The following INPP5A variants were observed in gnomAD, a reference collection of about 807,000 sequenced individuals.
INPP5A encodes the protein 43 kDa inositol polyphosphate 5-phophatase.
A neutral mutation model predicts 65.2 loss-of-function variants in INPP5A; 14 were observed. The observed-to-expected ratio is 0.21, with a 90% CI of 0.14 to 0.34. The LOEUF (loss-of-function observed/expected upper bound fraction) is 0.34. Ranked by LOEUF, INPP5A falls within the 10% of genes least tolerant of loss-of-function variation. The pLI is 1.00. For synonymous variants in INPP5A, 207 were observed against 208.3 expected, an observed-to-expected ratio of 0.99 and a Z score of 0.05; for missense variants, 431 against 545.6, an observed-to-expected ratio of 0.79 and a Z score of 2.09.
chr10:132,577,427 G>C (rs984750656), intron 1 of INPP5A, among the ~76,000 whole-genome samples: 15 of 152,212 alleles, frequency 9.9e-5, no homozygotes, highest in African/African-American at 3.4e-4. Context: ...TGTGATTTTT[G>C]TTCACACGTT....
At chr10:132,682,505 C>T (rs984276021) in intron 4 of INPP5A, among the ~76,000 whole-genome samples, 3 of 152,210 alleles carry the variant, frequency 2.0e-5, no homozygotes, top group African/African-American at 7.2e-5. Context: ...CACACCTATC[C>T]AGTTGGCAAA....
intron 2 of INPP5A, among the ~76,000 whole-genome samples, chr10:132,635,809 TA>T (rs796699395): frequency 3.0e-3 from 423 of 142,724 alleles, no homozygotes; most frequent in Admixed American, 3.5e-3. Context: ...CTCGAAGATT[TA>T]AAAAAAAAAA....
In INPP5A at chr10:132,603,193, G is replaced by T. The variant is rs1333972067; in HGVS notation, c.76-4722G>T. On this transcript the variant is annotated intron_variant, in intron 1 of 15. Coordinates refer to ENST00000368594, the MANE Select transcript of INPP5A (RefSeq NM_005539.5). This position sits in a 1 kb window ranked among gnomAD's most constrained non-coding sequence, Gnocchi z 4.2. The stretch of plus-strand genomic sequence containing the variant: ...AGAGTTGGGCCTTCTGGGCGGCTGT[G>T]GGCCAGGCTGCCTCTGGCATCTTGG... 6.6e-6 allele frequency among the ~76,000 whole-genome samples: 1 copy of T among 152,148 alleles called. No homozygotes were observed. Among genetic ancestry groups the T allele is most frequent in the Non-Finnish European group, 1.5e-5 (1 of 68,034 alleles).
intron 2 of INPP5A, among the ~76,000 whole-genome samples, chr10:132,638,067 G>T (rs1365493310): frequency 1.3e-5 from 2 of 152,182 alleles, no homozygotes; most frequent in Non-Finnish European, 2.9e-5. Context: ...TGGGGTCTGG[G>T]AGTTGTTCGT....
Position 132,684,683 on chromosome 10 carries a change from C to T in INPP5A, c.307-5709C>T, listed in dbSNP as rs117395014. 3.2e-3 allele frequency among the ~76,000 whole-genome samples: 493 copies of T among 152,338 alleles called. 8 individuals are homozygous for T. Among genetic ancestry groups the T allele is most frequent in the Non-Finnish European group, 9.1e-4 (62 of 68,034 alleles). On this transcript the variant is annotated intron_variant, in intron 4 of 15. Coordinates refer to ENST00000368594, the MANE Select transcript of INPP5A (RefSeq NM_005539.5). ...AAAGATCAGGCTCAGAACCACATGC[C>T]TGCCTCAGCTCGGGCAGGTGCTTTC...
intron 1 of INPP5A, among the ~76,000 whole-genome samples, chr10:132,567,632 C>G (rs76965718): frequency 0.1 from 15,381 of 152,230 alleles, 851 homozygotes; most frequent in Non-Finnish European, 0.11. Context: ...ACCCACCTCC[C>G]TTTTCCGCTC....
At chr10:132,653,882 G>T (rs1283074369) in intron 4 of INPP5A, among the ~76,000 whole-genome samples, 1 of 152,206 alleles carries the variant, frequency 6.6e-6, no homozygotes, top group East Asian at 1.9e-4. Flanking sequence ...AAGCACAGGG[G>T]CTGGGCCGGG....
intron 2 of INPP5A, among the ~76,000 whole-genome samples, chr10:132,621,417 C>G (rs2133360951): frequency 6.6e-6 from 1 of 152,222 alleles, no homozygotes; most frequent in East Asian, 1.9e-4. Flanking sequence ...GCGATTGGGG[C>G]ACAGCTTGAT....
chr10:132,658,800 C>T (rs2072695319), intron 4 of INPP5A, among the ~76,000 whole-genome samples: 6 of 152,190 alleles, frequency 3.9e-5, no homozygotes, highest in Admixed American at 3.9e-4. Context: ...ACCGAGACTG[C>T]TGAGACCGCC....
chr10:132,616,588 G>A lies in INPP5A; in HGVS notation c.117+8632G>A, dbSNP rs765424752. Among the ~76,000 whole-genome samples, 27 of 152,046 alleles carry A rather than the reference G, an allele frequency of 1.8e-4. No homozygotes were observed. The highest frequency in any genetic ancestry group is 1.6e-3 in the Admixed American group (25 of 15,278). Reference sequence around the variant, plus strand: ...TGTGTTGGTGATAGGGGATGGGGTGGTGACATGGGATGTGGTTTTGGGGTT... The same window carrying A: ...TGTGTTGGTGATAGGGGATGGGGTGATGACATGGGATGTGGTTTTGGGGTT... On this transcript the variant is annotated intron_variant, in intron 2 of 15. Transcript: ENST00000368594. This position sits in a 1 kb window ranked among gnomAD's most constrained non-coding sequence, Gnocchi z 4.9.
At chr10:132,708,234 G>A (rs912687218) in intron 6 of INPP5A, 79 bp from the exon 7 acceptor site, 11 of 1,266,300 alleles carry the variant, frequency 8.7e-6, no homozygotes, top group Non-Finnish European at 1.1e-5. Flanking sequence ...CATCTCCTGT[G>A]TCCTTTAGGT....
In INPP5A at chr10:132,727,170, C is replaced by T. The variant is rs1044144307; in HGVS notation, c.732+265C>T. 4 of 330,038 alleles carry T rather than the reference C, an allele frequency of 1.2e-5. No individual in the cohort carries two copies. The highest frequency in any genetic ancestry group is 4.2e-5 in the African/African-American group (2 of 47,140). The allele number at this position is 330,038 out of a possible 1,614,324, so 20.4% of individuals were successfully genotyped here. A position where few individuals can be genotyped will look rare whatever the true frequency, so the allele number is the denominator to read the frequency against. On this transcript the variant is annotated intron_variant, in intron 9 of 15. Transcript: ENST00000368594. The surrounding 1 kb of genome is among the most constrained non-coding windows in gnomAD (Gnocchi z 6.5). ...GGCTTTGCCCTGTGGCTTCCGCCGT[C>T]GGCACACAAGGAGCTGCTGGAGTGC...
At chr10:132,780,804 G>T (rs778063651) in intron 13 of INPP5A, 45 bp from the exon 14 acceptor site, 91 of 1,524,578 alleles carry the variant, frequency 6.0e-5, no homozygotes, top group Middle Eastern at 1.7e-4. Flanking sequence ...CTGGACCCAG[G>T]GTGCCCCACC....
intron 11 of INPP5A, among the ~76,000 whole-genome samples, chr10:132,756,878 C>T (rs933816768): frequency 6.6e-6 from 1 of 152,166 alleles, no homozygotes; most frequent in Non-Finnish European, 1.5e-5. Context: ...AGAGGAACGT[C>T]GATGATCCTG....
Position 132,771,641 on chromosome 10 carries a change from G to A in INPP5A, c.977+5795G>A, listed in dbSNP as rs188848865. Reference sequence around the variant, plus strand: ...ACGGACACTCAGCACTGACACGGAGGCCCCGGCAGCCGCCCCGCGAAGAGT... The same window carrying A: ...ACGGACACTCAGCACTGACACGGAGACCCCGGCAGCCGCCCCGCGAAGAGT... On this transcript the variant is annotated intron_variant, in intron 12 of 15. Coordinates refer to ENST00000368594, the MANE Select transcript of INPP5A (RefSeq NM_005539.5). Among the ~76,000 whole-genome samples the A allele has an allele frequency of 1.9e-3, 289 of 150,200 alleles. 2 individuals carry two copies. The highest frequency in any genetic ancestry group is 6.6e-3 in the African/African-American group (270 of 40,802).
rs2072956627 is a variant in INPP5A at position 132,675,789 on chromosome 10, TTTGAG to T, written c.307-14601_307-14597del. Among the ~76,000 whole-genome samples, 1 of 152,192 alleles carries T rather than the reference TTTGAG, an allele frequency of 6.6e-6. No individual in the cohort carries two copies. Among genetic ancestry groups the T allele is most frequent in the South Asian group, 2.1e-4 (1 of 4,828 alleles). ...GGACATTTAAAACTCAATTAAGGCT[TTTGAG>T]TAGAGTTTTATATGCCCTGAGCTTT... On this transcript the variant is annotated intron_variant, in intron 4 of 15. Transcript: ENST00000368594. This position sits in a 1 kb window ranked among gnomAD's most constrained non-coding sequence, Gnocchi z 4.2.
intron 1 of INPP5A, among the ~76,000 whole-genome samples, chr10:132,573,627 G>C (rs2071378819): frequency 8.0e-6 from 1 of 124,620 alleles, no homozygotes; most frequent in African/African-American, 3.4e-5. Flanking sequence ...GGGTGTGCGT[G>C]CCGTGTGAGG....
Position 132,549,171 on chromosome 10 carries a change from C to T in INPP5A, c.75+11000C>T, listed in dbSNP as rs192716361. Among the ~76,000 whole-genome samples, 15 of 152,276 alleles carry T rather than the reference C, an allele frequency of 9.9e-5. No homozygotes were observed. The highest frequency in any genetic ancestry group is 1.9e-4 in the East Asian group (1 of 5,174). ...GTTTCTCCAGTCGCCCACAGATGGACGTCGGGGCTATCGTGGCTAGTGTAC... is the reference window on the plus strand; with the variant it reads ...GTTTCTCCAGTCGCCCACAGATGGATGTCGGGGCTATCGTGGCTAGTGTAC... On this transcript the variant is annotated intron_variant, in intron 1 of 15. Coordinates refer to ENST00000368594, the MANE Select transcript of INPP5A (RefSeq NM_005539.5). This position sits in a 1 kb window ranked among gnomAD's most constrained non-coding sequence, Gnocchi z 4.9.
chr10:132,768,574 C>G (rs550019456), intron 12 of INPP5A, among the ~76,000 whole-genome samples: 12 of 152,362 alleles, frequency 7.9e-5, no homozygotes, highest in African/African-American at 2.9e-4. Flanking sequence ...CACTCTTCCC[C>G]GTGCAGCTCT....
Sources: gnomAD v4.1 joint callset for allele counts (sites outside exome capture counted in the v4.1 genomes callset) on GRCh38, gnomAD v4.1.1 for gene constraint, Gnocchi (gnomAD v3.1) non-coding constraint, MANE v1.5 for transcripts, NCBI Gene and HGNC (gene_info 2026-07-23, HGNC 2026-07-21) for gene names.